Variants in SUGCT observed in about 807,000 individuals in gnomAD.
The protein encoded by SUGCT is succinyl-CoA:glutarate-CoA transferase.
SUGCT carries 41 observed loss-of-function variants against 55.0 expected under a neutral mutation model. The ratio of observed to expected loss-of-function variants is 0.74; its 90% CI spans 0.58 to 0.97. The LOEUF is 0.97. SUGCT is among the 50% of genes least tolerant of loss of function. The pLI, the probability that SUGCT is intolerant of heterozygous loss-of-function variation, is 0.00. For synonymous variants in SUGCT, 187 were observed against 200.4 expected (o/e 0.93, Z 0.56); for missense variants, 568 against 547.8 (o/e 1.04, Z -0.37).
At chr7:41,026,367 T>C in the SUGCT span, among the ~76,000 whole-genome samples, 2 of 152,210 alleles carry the variant, frequency 1.3e-5, no homozygotes, top group Admixed American at 6.5e-5. Context: ...CCTGCAGGCA[T>C]CTAGTTTGTT....
At chr7:40,282,800 AG>A (rs1562643727) in intron 8 of SUGCT, among the ~76,000 whole-genome samples, 1 of 152,028 alleles carries the variant, frequency 6.6e-6, no homozygotes, top group Non-Finnish European at 1.5e-5. Context: ...CAGAAATTAG[AG>A]GTTACATAGA....
chr7:40,439,064 GTATA>G lies in SUGCT; in HGVS notation c.817-10179_817-10176del, dbSNP rs1183426693. ...TATATATATATGGTATATATATGGT[GTATA>G]TATATATATATATATATATATATAT... On this transcript the variant is annotated intron_variant, in intron 9 of 13. Transcript: ENST00000335693. 6.6e-3 allele frequency among the ~76,000 whole-genome samples: 179 copies of G among 27,140 alleles called. 3 individuals carry two copies. Among genetic ancestry groups the G allele is most frequent in the South Asian group, 0.038 (39 of 1,034 alleles). 17.8% of individuals were successfully genotyped at this position (27,140 alleles called of 152,430 possible).
intron 6 of SUGCT, among the ~76,000 whole-genome samples, chr7:40,225,339 C>T (rs1788275102): frequency 6.6e-6 from 1 of 152,052 alleles, no homozygotes; most frequent in Middle Eastern, 3.4e-3. Flanking sequence ...GCCAGTTTTG[C>T]TGCCTTTCTG....
chr7:40,935,014 G>A, the SUGCT span, among the ~76,000 whole-genome samples: 1 of 152,104 alleles, frequency 6.6e-6, no homozygotes, highest in Non-Finnish European at 1.5e-5. Context: ...TGATCATGCT[G>A]GGAGCTGCAG....
chr7:40,568,021 G>A (rs538160833), intron 12 of SUGCT, among the ~76,000 whole-genome samples: 94 of 152,298 alleles, frequency 6.2e-4, no homozygotes, highest in Middle Eastern at 3.4e-3. Flanking sequence ...TTCCATTTGA[G>A]TCTCAATATA....
At chr7:40,842,762 G>GA (rs1489508386) in intron 13 of SUGCT, among the ~76,000 whole-genome samples, 1 of 152,194 alleles carries the variant, frequency 6.6e-6, no homozygotes, top group East Asian at 1.9e-4. Context: ...ACAGCTGTTA[G>GA]AATGTTTCAT....
chr7:40,250,824 G>GCTT (rs1562613848), intron 7 of SUGCT, among the ~76,000 whole-genome samples: 1 of 102,844 alleles, frequency 9.7e-6, no homozygotes, highest in African/African-American at 3.4e-5. Context: ...GTCATTTCAC[G>GCTT]CTTCTTTTTT....
intron 13 of SUGCT, among the ~76,000 whole-genome samples, chr7:40,803,693 ATAT>A (rs1263231899): frequency 6.6e-6 from 1 of 152,232 alleles, no homozygotes; most frequent in African/African-American, 2.4e-5. Context: ...CACAAAAGTA[ATAT>A]GATCATGCAA....
At chr7:40,253,569 A>AT (rs34615423) in intron 7 of SUGCT, among the ~76,000 whole-genome samples, 55,309 of 150,396 alleles carry the variant, frequency 0.37, 10,046 homozygotes, top group East Asian at 0.46. Context: ...ATATATTTAC[A>AT]TTTTTTTTTT....
intron 1 of SUGCT, among the ~76,000 whole-genome samples, chr7:40,154,514 T>C (rs1422232021): frequency 6.6e-6 from 1 of 152,130 alleles, no homozygotes; most frequent in African/African-American, 2.4e-5. Flanking sequence ...TTTAATATTA[T>C]AGTTTTTTGT....
At chr7:40,734,878 C>A (rs968522966) in intron 12 of SUGCT, among the ~76,000 whole-genome samples, 12 of 152,110 alleles carry the variant, frequency 7.9e-5, no homozygotes, top group African/African-American at 2.9e-4. Context: ...AGACTGGACT[C>A]CCAAATTCTT....
At chr7:40,633,134 A>G (rs182913275) in intron 12 of SUGCT, among the ~76,000 whole-genome samples, 31 of 152,356 alleles carry the variant, frequency 2.0e-4, no homozygotes, top group African/African-American at 7.2e-4. Flanking sequence ...AGATAACTAT[A>G]TTATAAAATT....
intron 12 of SUGCT, among the ~76,000 whole-genome samples, chr7:40,651,837 G>A (rs1029351855): frequency 3.3e-5 from 5 of 151,896 alleles, no homozygotes; most frequent in Admixed American, 6.6e-5. Flanking sequence ...GAGTTTATGC[G>A]TCATTGATTC....
chr7:40,630,445 C>T lies in SUGCT; in HGVS notation c.1090-118989C>T, dbSNP rs145686305. On this transcript the variant is annotated intron_variant, in intron 12 of 13. Coordinates refer to ENST00000335693, the MANE Select transcript of SUGCT (RefSeq NM_001193313.2). ...AGAGATGCTATTTCAGAAGAAAGAG[C>T]GACCAACAGAAAGGATAAGCAGAAA... Among the ~76,000 whole-genome samples the T allele has an allele frequency of 2.7e-3, 416 of 152,146 alleles. 3 individuals carry two copies. The highest frequency in any genetic ancestry group is 9.4e-3 in the African/African-American group (389 of 41,514).
chr7:40,912,670 G>T, the SUGCT span, among the ~76,000 whole-genome samples: 1 of 148,670 alleles, frequency 6.7e-6, no homozygotes, highest in Non-Finnish European at 1.5e-5. Flanking sequence ...ATCTTTGTAA[G>T]AATTGTTCTT....
chr7:40,680,055 T>G (rs1784169262), intron 12 of SUGCT, among the ~76,000 whole-genome samples: 1 of 152,204 alleles, frequency 6.6e-6, no homozygotes, highest in Admixed American at 6.5e-5. Context: ...TTCAGCTTTT[T>G]AAGGAACAAG....
intron 13 of SUGCT, among the ~76,000 whole-genome samples, chr7:40,834,486 G>T (rs1378974519): frequency 6.6e-6 from 1 of 151,978 alleles, no homozygotes; most frequent in African/African-American, 2.4e-5. Context: ...CAGATTGCAG[G>T]GTTTTATTTA....
chr7:40,663,474 CT>C (rs751256898), intron 12 of SUGCT, among the ~76,000 whole-genome samples: 1 of 142,316 alleles, frequency 7.0e-6, no homozygotes, highest in Non-Finnish European at 1.5e-5. Flanking sequence ...CACCAAATTA[CT>C]TTGTGGTGTA....
At chr7:41,025,939 G>T in the SUGCT span, among the ~76,000 whole-genome samples, 2 of 152,176 alleles carry the variant, frequency 1.3e-5, no homozygotes, top group Non-Finnish European at 2.9e-5. Context: ...ACATTTGTAA[G>T]TCCCAGAGCA....
Sources: gnomAD v4.1 joint callset for allele counts (sites outside exome capture counted in the v4.1 genomes callset) on GRCh38, gnomAD v4.1.1 for gene constraint, MANE v1.5 for transcripts, NCBI Gene and HGNC (gene_info 2026-07-23, HGNC 2026-07-21) for gene names.